Variants in ELOVL5 observed in about 807,000 individuals in gnomAD.
The protein encoded by ELOVL5 is very long chain fatty acid elongase 5.
Under a neutral mutation model 38.6 loss-of-function variants are expected in ELOVL5, and 8 were observed. The ratio of observed to expected loss-of-function variants is 0.21; its 90% CI spans 0.12 to 0.37. The LOEUF is 0.37. Ranked by LOEUF, ELOVL5 falls within the 10% of genes least tolerant of loss-of-function variation. ELOVL5 has a pLI of 1.00. For synonymous variants in ELOVL5, 127 were observed against 133.7 expected, an observed-to-expected ratio of 0.95 and a Z score of 0.34; for missense variants, 280 against 367.8, an observed-to-expected ratio of 0.76 and a Z score of 1.95.
intron 1 of ELOVL5, among the ~76,000 whole-genome samples, chr6:53,308,357 AGC>A (rs1767688438): frequency 6.6e-6 from 1 of 152,156 alleles, no homozygotes; most frequent in African/African-American, 2.4e-5. Flanking sequence ...TTAGGCTCTA[AGC>A]TCTTCAACGG....
At chr6:53,286,615 G>C (rs935402481) in intron 3 of ELOVL5, among the ~76,000 whole-genome samples, 6 of 152,064 alleles carry the variant, frequency 3.9e-5, no homozygotes, top group African/African-American at 1.4e-4. Context: ...TCCATCCAAA[G>C]AAACACTTAT....
intron 1 of ELOVL5, among the ~76,000 whole-genome samples, chr6:53,324,741 C>T (rs931556321): frequency 2.7e-5 from 4 of 146,630 alleles, no homozygotes; most frequent in Non-Finnish European, 5.9e-5. Flanking sequence ...TCTATAGCAA[C>T]GACTCTGGGA....
chr6:53,325,569 A>T (rs1230096858), intron 1 of ELOVL5, among the ~76,000 whole-genome samples: 1 of 152,260 alleles, frequency 6.6e-6, no homozygotes, highest in Admixed American at 6.5e-5. Flanking sequence ...GCACCCAGTC[A>T]GAGACAGAGA....
chr6:53,271,596 A>G (rs1021427350), intron 6 of ELOVL5, among the ~76,000 whole-genome samples: 1 of 152,064 alleles, frequency 6.6e-6, no homozygotes, highest in African/African-American at 2.4e-5. Flanking sequence ...TGCACACTGT[A>G]TTTCTAGCAG....
chr6:53,332,223 T>C (rs1267077719), intron 1 of ELOVL5, among the ~76,000 whole-genome samples: 2 of 152,182 alleles, frequency 1.3e-5, no homozygotes, highest in African/African-American at 2.4e-5. Context: ...AATAAGTTGT[T>C]ACCAGTTCCC....
intron 1 of ELOVL5, among the ~76,000 whole-genome samples, chr6:53,341,058 C>T (rs968423888): frequency 6.6e-6 from 1 of 152,192 alleles, no homozygotes; most frequent in Non-Finnish European, 1.5e-5. Context: ...CTAGTGAACA[C>T]TGACTCAACT....
At chr6:53,348,022 G>GCCC (rs35065809) in intron 1 of ELOVL5, among the ~76,000 whole-genome samples, 4,866 of 146,072 alleles carry the variant, frequency 0.033, 131 homozygotes, top group African/African-American at 0.073. Flanking sequence ...GAGCACAACC[G>GCCC]CCCCCCCGCC....
chr6:53,314,999 A>C (rs1055473945), intron 1 of ELOVL5, among the ~76,000 whole-genome samples: 2 of 152,248 alleles, frequency 1.3e-5, no homozygotes, highest in African/African-American at 4.8e-5. Context: ...CAATTTAATA[A>C]ATTGCAACTG....
chr6:53,305,555 C>G (rs1767488804), intron 1 of ELOVL5, among the ~76,000 whole-genome samples: 2 of 151,450 alleles, frequency 1.3e-5, no homozygotes, highest in African/African-American at 4.9e-5. Flanking sequence ...CTCCTCACCT[C>G]CCAGACGGGG....
chr6:53,292,133 T>A lies in ELOVL5; in HGVS notation c.59-170A>T, dbSNP rs1264329066. Among the ~76,000 whole-genome samples, 5 of 152,212 alleles carry A rather than the reference T, an allele frequency of 3.3e-5. 1 individual carries two copies. The highest frequency in any genetic ancestry group is 3.3e-4 in the Admixed American group (5 of 15,298). Reference sequence around the variant, plus strand: ...GATTTTCAATACATATCAAACAAGGTGAAGCTCCTTGTTACATGCTCTGAA... The same window carrying A: ...GATTTTCAATACATATCAAACAAGGAGAAGCTCCTTGTTACATGCTCTGAA... On this transcript the variant is annotated intron_variant, in intron 2 of 7. Transcript: ENST00000304434.
At chr6:53,313,718 A>G (rs1767929673) in intron 1 of ELOVL5, among the ~76,000 whole-genome samples, 1 of 144,786 alleles carries the variant, frequency 6.9e-6, no homozygotes, top group South Asian at 2.2e-4. Context: ...AAAAATAATA[A>G]AAGTTTACCA....
intron 1 of ELOVL5, among the ~76,000 whole-genome samples, chr6:53,300,970 A>G (rs1384637056): frequency 6.6e-6 from 1 of 152,108 alleles, no homozygotes; most frequent in Non-Finnish European, 1.5e-5. Flanking sequence ...CCACATGAAC[A>G]GTACAAAGGT....
At chr6:53,345,823 T>C (rs951208897) in intron 1 of ELOVL5, among the ~76,000 whole-genome samples, 6 of 152,292 alleles carry the variant, frequency 3.9e-5, no homozygotes, top group African/African-American at 1.4e-4. Flanking sequence ...GGAGCAGAGA[T>C]GTTGCAGGAG....
intron 1 of ELOVL5, among the ~76,000 whole-genome samples, chr6:53,317,349 G>A (rs1004187574): frequency 2.0e-5 from 3 of 152,176 alleles, no homozygotes; most frequent in Admixed American, 2.0e-4. Flanking sequence ...GCACACGTAT[G>A]TTTATTGTGG....
intron 3 of ELOVL5, among the ~76,000 whole-genome samples, chr6:53,284,596 CAG>C (rs758454739): frequency 2.0e-5 from 3 of 152,142 alleles, no homozygotes; most frequent in Admixed American, 6.5e-5. Context: ...AAAAAGGTGA[CAG>C]AAAGTACAGG....
intron 1 of ELOVL5, among the ~76,000 whole-genome samples, chr6:53,339,626 C>G (rs1769236922): frequency 6.6e-6 from 1 of 152,212 alleles, no homozygotes; most frequent in Admixed American, 6.5e-5. Context: ...CTAGTGACAT[C>G]ATAGCACAAT....
At chr6:53,316,479 G>A (rs1768048317) in intron 1 of ELOVL5, among the ~76,000 whole-genome samples, 1 of 152,098 alleles carries the variant, frequency 6.6e-6, no homozygotes, top group South Asian at 2.1e-4. Context: ...GAAAAACAAT[G>A]TTGGAGAAGG....
chr6:53,316,280 T>G (rs143076688), intron 1 of ELOVL5, among the ~76,000 whole-genome samples: 224 of 151,734 alleles, frequency 1.5e-3, no homozygotes, highest in Middle Eastern at 3.4e-3. Context: ...AAACAGTAAA[T>G]AACTGTAATA....
At chr6:53,307,743 C>CT (rs1453382889) in intron 1 of ELOVL5, among the ~76,000 whole-genome samples, 1 of 152,212 alleles carries the variant, frequency 6.6e-6, no homozygotes, top group African/African-American at 2.4e-5. Context: ...ACTGACTTCT[C>CT]TGTGAGTAGA....
Sources: gnomAD v4.1 joint callset for allele counts (sites outside exome capture counted in the v4.1 genomes callset) on GRCh38, gnomAD v4.1.1 for gene constraint, MANE v1.5 for transcripts, NCBI Gene and HGNC (gene_info 2026-07-23, HGNC 2026-07-21) for gene names.